ZNF529: variants seen among roughly 807,000 people sequenced by gnomAD.
ZNF529 encodes the protein zinc finger protein 529.
Under a neutral mutation model 10.1 loss-of-function variants are expected in ZNF529, and 11 were observed. The ratio of observed to expected loss-of-function variants is 1.09; its 90% confidence interval spans 0.69 to 1.81. ZNF529 has a LOEUF of 1.81. Among genes scored for constraint, ZNF529 ranks in the 40% most tolerant of loss-of-function variants. The pLI is 0.00. For synonymous variants in ZNF529, 204 were observed against 215.7 expected (o/e 0.95, Z 0.47); for missense variants, 624 against 666.8 (o/e 0.94, Z 0.71).
At chr19:36,560,515 A>G (rs1422055788) in intron 2 of ZNF529, among the ~76,000 whole-genome samples, 3 of 152,194 alleles carry the variant, frequency 2.0e-5, no homozygotes, top group Non-Finnish European at 2.9e-5. Flanking sequence ...CCAAATGAGG[A>G]GAACCCAAAG....
Position 36,547,364 on chromosome 19 carries a change from T to C in ZNF529, c.1194A>G (p.Ala398=). ...AACTATTTCTAAAGACCTTTCCACA[T>C]GCTTTGCATTCATAGGGTTTCTTAC... ...HTGKKPYECK[A]CGKVFRNSSS... The change falls in exon 5 of 5, where the codon GCA becomes GCG. Residue 398 remains alanine (A), a synonymous_variant. Coordinates refer to ENST00000591340, the MANE Select transcript of ZNF529 (RefSeq NM_020951.5). 1.2e-6 allele frequency: 2 copies of C among 1,613,992 alleles called. No individual in the cohort carries two copies. Among genetic ancestry groups the C allele is most frequent in the Non-Finnish European group, 1.7e-6 (2 of 1,179,962 alleles).
chr19:36,577,820 A>G (rs897677408), upstream of ZNF529: 7 of 152,162 alleles, frequency 4.6e-5, no homozygotes, highest in African/African-American at 1.7e-4. Context: ...ACTGGAGAAG[A>G]GAGAGGACAA....
chr19:36,588,424 T>C lies in ZNF529; in HGVS notation c.-41+1191A>G, dbSNP rs866022588. Among the ~76,000 whole-genome samples the C allele has an allele frequency of 9.2e-5, 14 of 152,302 alleles. No homozygotes were observed. The Middle Eastern group carries it at 0.01, about 111-fold the overall frequency. On this transcript the variant is annotated intron_variant, in intron 2 of 4. Coordinates refer to the ZNF529 transcript ENST00000585960. ...TTTGCATAGGAGAACCACAGTCCTG[T>C]ATTCAGAGGTAAAAGTGGATAAGTA...
chr19:36,561,282 C>T (rs2035683016), intron 2 of ZNF529, among the ~76,000 whole-genome samples: 1 of 152,120 alleles, frequency 6.6e-6, no homozygotes, highest in Non-Finnish European at 1.5e-5. Context: ...AGTCCCTGCT[C>T]TGGAGGGCAA....
Position 36,555,342 on chromosome 19 carries a change from G to A in ZNF529, c.109-546C>T, listed in dbSNP as rs1351103365. 1.6e-4 allele frequency among the ~76,000 whole-genome samples: 4 copies of A among 25,346 alleles called. 2 individuals are homozygous for A. The highest frequency in any genetic ancestry group is 1.5e-3 in the African/African-American group (4 of 2,742). 16.6% of individuals were successfully genotyped at this position (25,346 alleles called of 152,430 possible). A position where few individuals can be genotyped will look rare whatever the true frequency, so the allele number is the denominator to read the frequency against. On this transcript the variant is annotated intron_variant, in intron 3 of 4. Transcript: ENST00000591340. The stretch of plus-strand genomic sequence containing the variant: ...CGCTCTGTCGCCCAGGCCGGACTGC[G>A]GACTGCAGTGGCGCAATCTCGGCTC...
At chr19:36,562,438 A>C (rs916841253) in intron 2 of ZNF529, among the ~76,000 whole-genome samples, 3 of 151,976 alleles carry the variant, frequency 2.0e-5, no homozygotes, top group Non-Finnish European at 2.9e-5. Flanking sequence ...GAGTGAAATG[A>C]ATGTATTTTG....
chr19:36,584,718 G>T (rs1600346788), intron 2 of ZNF529, among the ~76,000 whole-genome samples: 1 of 150,236 alleles, frequency 6.7e-6, no homozygotes, highest in South Asian at 2.1e-4. Flanking sequence ...AGTGAACCGA[G>T]ATTGCCCCAC....
chr19:36,567,822 A>G (rs1425039084), intron 2 of ZNF529, among the ~76,000 whole-genome samples: 1 of 152,170 alleles, frequency 6.6e-6, no homozygotes, highest in Admixed American at 6.5e-5. Context: ...AGGATGTATC[A>G]AAACTAAAAG....
chr19:36,589,864 A>T (rs1568616567), intron 1 of ZNF529, among the ~76,000 whole-genome samples: 1 of 152,200 alleles, frequency 6.6e-6, no homozygotes, highest in African/African-American at 2.4e-5. Flanking sequence ...ACTAGGCCAT[A>T]AAAAAAGCAT....
chr19:36,548,125 T>C lies in ZNF529; in HGVS notation c.433A>G (p.Ile145Val), dbSNP rs775313937. 9.3e-6 allele frequency: 15 copies of C among 1,613,826 alleles called. No homozygotes were observed. Among genetic ancestry groups the C allele is most frequent in the Middle Eastern group, 1.6e-4 (1 of 6,080 alleles). The change falls in exon 5 of 5, where the codon ATC becomes GTC. Residue 145 changes from isoleucine (I) to valine (V), a missense_variant. By Grantham distance (29) the Ile-to-Val change is conservative. Coordinates refer to ENST00000591340, the MANE Select transcript of ZNF529 (RefSeq NM_020951.5). ...EVGYFSQMKI[I>V]SENVPSYKTH... ...TTGTAACTGGGCACATTTTCAGAGATGATTTTCATTTGACTGAAATATCCC... is the reference window on the plus strand; with the variant it reads ...TTGTAACTGGGCACATTTTCAGAGACGATTTTCATTTGACTGAAATATCCC...
chr19:36,572,724 AT>A (rs1414278491), intron 1 of ZNF529, among the ~76,000 whole-genome samples: 3 of 152,010 alleles, frequency 2.0e-5, no homozygotes, highest in South Asian at 2.1e-4. Context: ...TATCTTATCT[AT>A]CTATCTATCT....
chr19:36,567,607 A>AT (rs1489337184), intron 2 of ZNF529, among the ~76,000 whole-genome samples: 1 of 151,982 alleles, frequency 6.6e-6, no homozygotes, highest in Non-Finnish European at 1.5e-5. Flanking sequence ...ATGCCTGGCT[A>AT]ATTTTTGTAT....
intron 2 of ZNF529, among the ~76,000 whole-genome samples, chr19:36,567,133 C>T (rs913847371): frequency 2.6e-5 from 4 of 151,934 alleles, no homozygotes; most frequent in Non-Finnish European, 2.9e-5. Flanking sequence ...CTGTGGGGCA[C>T]GGAATATGGA....
chr19:36,572,263 CTACGG>C (rs890076631), intron 2 of ZNF529, 65 bp downstream of exon 2: 2 of 1,521,976 alleles, frequency 1.3e-6, no homozygotes, highest in Admixed American at 3.9e-5. Context: ...GGACCCATCT[CTACGG>C]TCCTGTTGTT....
chr19:36,605,258 A>T (rs1266473488), upstream of ZNF529: 1 of 152,156 alleles, frequency 6.6e-6, no homozygotes, highest in Non-Finnish European at 1.5e-5. Flanking sequence ...CGCGGCGACT[A>T]ACGGGCCGCC....
chr19:36,582,707 T>TAAAAAA (rs35956828), intron 2 of ZNF529: 1 of 112,726 alleles, frequency 8.9e-6, no homozygotes, highest in Non-Finnish European at 1.8e-5. Context: ...GACTCCATCT[T>TAAAAAA]AAAAAAAAAA....
intron 1 of ZNF529, chr19:36,604,700 G>A (rs2036990868): frequency 6.6e-6 from 1 of 152,254 alleles, no homozygotes; most frequent in African/African-American, 2.4e-5. Flanking sequence ...CACCAGGCCA[G>A]TTTTGATCAC....
intron 1 of ZNF529, among the ~76,000 whole-genome samples, chr19:36,603,099 CAA>C (rs1231102978): frequency 6.6e-6 from 1 of 152,046 alleles, no homozygotes; most frequent in Admixed American, 6.6e-5. Context: ...TCCTCTAAAA[CAA>C]AAAAAGTTAC....
intron 4 of ZNF529, among the ~76,000 whole-genome samples, chr19:36,553,854 T>G (rs149803961): frequency 1.3e-5 from 2 of 152,206 alleles, no homozygotes; most frequent in Non-Finnish European, 2.9e-5. Flanking sequence ...GAAATACACA[T>G]AACTACTTAA....
Sources: gnomAD v4.1 joint callset for allele counts (sites outside exome capture counted in the v4.1 genomes callset) on GRCh38, gnomAD v4.1.1 for gene constraint, MANE v1.5 for transcripts, NCBI Gene and HGNC (gene_info 2026-07-23, HGNC 2026-07-21) for gene names.